The following LRRIQ3 variants were observed in gnomAD, a reference collection of about 807,000 sequenced individuals.
The protein encoded by LRRIQ3 is leucine rich repeats and IQ motif containing 3.
In LRRIQ3, 75 loss-of-function variants were observed where a neutral mutation model predicts 59.3. The ratio of observed to expected loss-of-function variants is 1.26; its 90% CI spans 1.05 to 1.53. LRRIQ3 has a LOEUF of 1.53. Ranked by LOEUF, LRRIQ3 falls within the 40% of genes most tolerant of loss-of-function variation. The probability of loss-of-function intolerance (pLI) is 0.00; values close to 1 mark genes in which losing one functional copy is unlikely to be tolerated. For missense variants in LRRIQ3, 831 were observed against 710.0 expected (o/e 1.17, Z -1.94); for synonymous variants, 250 against 231.3 (o/e 1.08, Z -0.73).
At chr1:74,193,939 A>T (rs1650931759) in intron 1 of LRRIQ3, among the ~76,000 whole-genome samples, 1 of 152,206 alleles carries the variant, frequency 6.6e-6, no homozygotes, top group Non-Finnish European at 1.5e-5. Context: ...ACATATTGTG[A>T]TTACAAACTA....
chr1:74,046,600 G>A (rs761154551), intron 6 of LRRIQ3, among the ~76,000 whole-genome samples: 1 of 152,082 alleles, frequency 6.6e-6, no homozygotes, highest in African/African-American at 2.4e-5. Context: ...AGACAAATGG[G>A]ATCTGATTAA....
intron 7 of LRRIQ3, among the ~76,000 whole-genome samples, chr1:74,029,409 A>C (rs4650239): frequency 6.6e-6 from 1 of 151,948 alleles, no homozygotes; most frequent in Non-Finnish European, 1.5e-5. Context: ...TAGCATGAAC[A>C]GCTCTTGAAT....
intron 3 of LRRIQ3, among the ~76,000 whole-genome samples, chr1:74,159,212 T>C (rs1648519753): frequency 6.6e-6 from 1 of 152,210 alleles, no homozygotes; most frequent in Admixed American, 6.5e-5. Context: ...CAATAGTTCC[T>C]TTCCCTCACG....
At chr1:74,141,318 T>C (rs1187402014) in intron 4 of LRRIQ3, among the ~76,000 whole-genome samples, 1 of 151,832 alleles carries the variant, frequency 6.6e-6, no homozygotes, top group Non-Finnish European at 1.5e-5. Flanking sequence ...AGATTATCAA[T>C]TCAAAATACA....
chr1:74,106,922 T>C (rs1467146336), intron 5 of LRRIQ3, among the ~76,000 whole-genome samples: 1 of 151,962 alleles, frequency 6.6e-6, no homozygotes, highest in Non-Finnish European at 1.5e-5. Context: ...AAAAGTAATG[T>C]CCCTAGTAAG....
At chr1:74,175,353 G>A (rs557064971) in intron 3 of LRRIQ3, among the ~76,000 whole-genome samples, 4 of 152,168 alleles carry the variant, frequency 2.6e-5, no homozygotes, top group South Asian at 4.2e-4. Flanking sequence ...TGTTGTTGTT[G>A]TTCCTAGTTG....
At chr1:74,168,166 G>T (rs1365720035) in intron 3 of LRRIQ3, among the ~76,000 whole-genome samples, 1 of 151,870 alleles carries the variant, frequency 6.6e-6, no homozygotes, top group Non-Finnish European at 1.5e-5. Context: ...CTAATTTCCT[G>T]TCTAGTTGAT....
intron 1 of LRRIQ3, among the ~76,000 whole-genome samples, chr1:74,186,038 T>C (rs1022369147): frequency 6.7e-6 from 1 of 149,762 alleles, no homozygotes; most frequent in Non-Finnish European, 1.5e-5. Context: ...ATTATATATA[T>C]GTACACAAAA....
chr1:74,144,319 C>T (rs1647415749), intron 4 of LRRIQ3: 1 of 213,980 alleles, frequency 4.7e-6, no homozygotes, highest in Admixed American at 6.2e-5. Context: ...AAGTAATCAA[C>T]AATGCAGATT....
At chr1:74,138,960 G>T (rs1023656294) in intron 4 of LRRIQ3, among the ~76,000 whole-genome samples, 5 of 151,466 alleles carry the variant, frequency 3.3e-5, no homozygotes, top group African/African-American at 1.2e-4. Flanking sequence ...CAACACTTGA[G>T]GCCAGGAGTT....
At chr1:74,131,718 A>G (rs1647022934) in intron 4 of LRRIQ3, among the ~76,000 whole-genome samples, 1 of 152,166 alleles carries the variant, frequency 6.6e-6, no homozygotes, top group Admixed American at 6.6e-5. Flanking sequence ...TATTGATGAG[A>G]TGTATCTCAA....
At chr1:74,151,880 C>T (rs1648007740) in intron 4 of LRRIQ3, among the ~76,000 whole-genome samples, 1 of 152,142 alleles carries the variant, frequency 6.6e-6, no homozygotes, top group African/African-American at 2.4e-5. Flanking sequence ...GGATGCTACA[C>T]AAACACAATA....
intron 7 of LRRIQ3, among the ~76,000 whole-genome samples, chr1:74,039,194 C>T (rs1472720778): frequency 6.6e-6 from 1 of 152,060 alleles, no homozygotes; most frequent in Non-Finnish European, 1.5e-5. Flanking sequence ...CAAGTATCAA[C>T]AGGTGAATCG....
chr1:74,180,676 G>T, intron 3 of LRRIQ3: 1 of 1,534,650 alleles, frequency 6.5e-7, no homozygotes, highest in Non-Finnish European at 8.8e-7. Flanking sequence ...CATTTGTGAT[G>T]CAATGTTGAC....
At chr1:74,095,713 G>A (rs1024494070) in intron 5 of LRRIQ3, among the ~76,000 whole-genome samples, 1 of 151,952 alleles carries the variant, frequency 6.6e-6, no homozygotes, top group African/African-American at 2.4e-5. Context: ...ATGGTCACAT[G>A]GGAACATAGT....
chr1:74,051,834 T>A (rs1296555841), intron 6 of LRRIQ3, among the ~76,000 whole-genome samples: 2 of 152,304 alleles, frequency 1.3e-5, no homozygotes, highest in East Asian at 3.9e-4. Context: ...AATTTGCCTT[T>A]TATACAGTTT....
Position 74,075,723 on chromosome 1 carries a change from C to T in LRRIQ3, c.868-933G>A, listed in dbSNP as rs76692879. Among the ~76,000 whole-genome samples, 48 of 152,220 alleles carry T rather than the reference C, an allele frequency of 3.2e-4. No homozygotes were observed. The East Asian group carries it at 9.1e-3, about 29-fold the overall frequency. On this transcript the variant is annotated intron_variant, in intron 5 of 7. Coordinates refer to ENST00000354431, the MANE Select transcript of LRRIQ3 (RefSeq NM_001105659.2). ...TTTTAGTGACAGTGTTATCTGTTTT[C>T]CTCTTCACAGTTCATCCAGGACTGT... is the stretch of plus-strand genomic sequence containing the variant.
chr1:74,177,941 T>A (rs1054376861), intron 3 of LRRIQ3, among the ~76,000 whole-genome samples: 2 of 152,014 alleles, frequency 1.3e-5, no homozygotes, highest in Non-Finnish European at 2.9e-5. Flanking sequence ...CTTATATTTA[T>A]CAAAGTATTT....
chr1:74,159,404 A>G (rs949299329), intron 3 of LRRIQ3, among the ~76,000 whole-genome samples: 1 of 152,144 alleles, frequency 6.6e-6, no homozygotes, highest in African/African-American at 2.4e-5. Flanking sequence ...TTTGATTATC[A>G]ATTGACTGTT....
Sources: gnomAD v4.1 joint callset for allele counts (sites outside exome capture counted in the v4.1 genomes callset) on GRCh38, gnomAD v4.1.1 for gene constraint, MANE v1.5 for transcripts, NCBI Gene and HGNC (gene_info 2026-07-23, HGNC 2026-07-21) for gene names.